NRXN3: variants seen among roughly 807,000 people sequenced by gnomAD.
NRXN3 encodes the protein neurexin III.
NRXN3 carries 32 observed loss-of-function variants against 137.6 expected under a neutral mutation model. The ratio of observed to expected loss-of-function variants is 0.23; its 90% CI spans 0.18 to 0.31. NRXN3 has a LOEUF of 0.31. NRXN3 is among the 10% of genes least tolerant of loss of function. The pLI is 1.00. For missense variants in NRXN3, 1,574 were observed against 2,062.5 expected (o/e 0.76, Z 4.59); for synonymous variants, 798 against 784.5 (o/e 1.02, Z -0.29).
At chr14:78,608,379 C>T (rs2097270222) in intron 4 of NRXN3, among the ~76,000 whole-genome samples, 1 of 152,234 alleles carries the variant, frequency 6.6e-6, no homozygotes, top group Non-Finnish European at 1.5e-5. Context: ...TCCAAAGCCA[C>T]TCTGTAGAAT....
chr14:79,462,099 T>C (rs775232331), intron 15 of NRXN3, among the ~76,000 whole-genome samples: 18 of 152,044 alleles, frequency 1.2e-4, no homozygotes, highest in Middle Eastern at 3.2e-3. Context: ...AGAGGCCGGG[T>C]GTGGTGGCTC....
At chr14:78,342,217 C>T (rs1310586866) in intron 4 of NRXN3, among the ~76,000 whole-genome samples, 2 of 152,174 alleles carry the variant, frequency 1.3e-5, no homozygotes, top group Non-Finnish European at 2.9e-5. Flanking sequence ...GGTGACAACA[C>T]AGCGTATTTC....
chr14:78,743,803 T>C (rs146367292), intron 8 of NRXN3, among the ~76,000 whole-genome samples: 33 of 152,294 alleles, frequency 2.2e-4, no homozygotes, highest in African/African-American at 7.7e-4. Flanking sequence ...GGATCCTTCA[T>C]TGAAAGCCTT....
chr14:78,418,029 T>G (rs1164037528), intron 4 of NRXN3, among the ~76,000 whole-genome samples: 6 of 152,180 alleles, frequency 3.9e-5, no homozygotes, highest in African/African-American at 1.4e-4. Context: ...AGTGCTGGGA[T>G]TACAGGCATG....
intron 2 of NRXN3, among the ~76,000 whole-genome samples, chr14:78,254,293 A>G (rs116010687): frequency 0.01 from 1,583 of 152,122 alleles, 31 homozygotes; most frequent in African/African-American, 0.036. Flanking sequence ...CATTTTATCA[A>G]CCTGTGATGT....
At chr14:78,256,095 G>A (rs1301800983) in intron 2 of NRXN3, among the ~76,000 whole-genome samples, 1 of 150,984 alleles carries the variant, frequency 6.6e-6, no homozygotes, top group Non-Finnish European at 1.5e-5. Flanking sequence ...TTTTTGGTTT[G>A]TTTACAAACC....
chr14:78,687,291 C>T (rs1053891428), intron 6 of NRXN3, among the ~76,000 whole-genome samples: 1 of 152,146 alleles, frequency 6.6e-6, no homozygotes, highest in Non-Finnish European at 1.5e-5. Flanking sequence ...AGGAAAACCC[C>T]CCTGGCTGTT....
At chr14:78,838,588 T>C (rs2099003399) in intron 10 of NRXN3, among the ~76,000 whole-genome samples, 1 of 152,146 alleles carries the variant, frequency 6.6e-6, no homozygotes, top group Admixed American at 6.6e-5. Flanking sequence ...TTGAGGCACA[T>C]GAAGAGAATT....
At chr14:79,504,915 A>G (rs1170302884) in intron 16 of NRXN3, among the ~76,000 whole-genome samples, 1 of 152,028 alleles carries the variant, frequency 6.6e-6, no homozygotes, top group East Asian at 1.9e-4. Context: ...AATAACATTA[A>G]AAGAAAGGTG....
At chr14:79,255,373 G>T (rs2076442527) in intron 15 of NRXN3, among the ~76,000 whole-genome samples, 1 of 152,196 alleles carries the variant, frequency 6.6e-6, no homozygotes, top group Non-Finnish European at 1.5e-5. Context: ...TGCTTACCCT[G>T]CCTGGTGTTT....
intron 15 of NRXN3, among the ~76,000 whole-genome samples, chr14:79,270,157 C>T (rs1283352069): frequency 2.0e-5 from 3 of 152,186 alleles, no homozygotes; most frequent in Non-Finnish European, 4.4e-5. Flanking sequence ...CCTCTTGCTT[C>T]AGGGTCCCTA....
chr14:79,434,221 G>C (rs538825189), intron 15 of NRXN3, among the ~76,000 whole-genome samples: 3 of 152,052 alleles, frequency 2.0e-5, no homozygotes, highest in Non-Finnish European at 4.4e-5. Flanking sequence ...CTCTGGCACT[G>C]GTTACCCAAT....
intron 15 of NRXN3, among the ~76,000 whole-genome samples, chr14:79,314,908 C>T (rs2088172096): frequency 6.6e-6 from 1 of 151,988 alleles, no homozygotes; most frequent in African/African-American, 2.4e-5. Context: ...ACTGAAAACC[C>T]ATCTGTACAT....
chr14:78,846,908 T>G (rs987296245), intron 10 of NRXN3, among the ~76,000 whole-genome samples: 1 of 152,100 alleles, frequency 6.6e-6, no homozygotes, highest in African/African-American at 2.4e-5. Flanking sequence ...CTTCTCACCA[T>G]TTTGGTCTCC....
At chr14:79,435,625 C>CACACAT (rs1166229753) in intron 15 of NRXN3, among the ~76,000 whole-genome samples, 2 of 150,788 alleles carry the variant, frequency 1.3e-5, no homozygotes, top group South Asian at 4.2e-4. Flanking sequence ...CACACACACA[C>CACACAT]ACACATACAT....
At chr14:79,129,427 C>T (rs1337213457) in intron 15 of NRXN3, among the ~76,000 whole-genome samples, 1 of 150,938 alleles carries the variant, frequency 6.6e-6, no homozygotes, top group African/African-American at 2.5e-5. Flanking sequence ...GCCTTCATTT[C>T]GTTATGTACC....
At chr14:79,062,993 G>C (rs1211225484) in intron 15 of NRXN3, among the ~76,000 whole-genome samples, 1 of 152,118 alleles carries the variant, frequency 6.6e-6, no homozygotes, top group African/African-American at 2.4e-5. Context: ...AGAAAGGGGG[G>C]GAGGAGTAGG....
At chr14:78,942,114 G>A (rs1158391601) in intron 10 of NRXN3, among the ~76,000 whole-genome samples, 1 of 152,174 alleles carries the variant, frequency 6.6e-6, no homozygotes, top group Non-Finnish European at 1.5e-5. Context: ...CTCAGAGTGT[G>A]GGCTCTGGAG....
intron 2 of NRXN3, among the ~76,000 whole-genome samples, chr14:78,247,021 G>T (rs1253140260): frequency 2.0e-5 from 3 of 152,238 alleles, no homozygotes; most frequent in African/African-American, 7.2e-5. Flanking sequence ...GGTCCGTTTT[G>T]TACTTCTTGC....
Sources: allele counts gnomAD v4.1 joint callset (sites outside exome capture counted in the v4.1 genomes callset), GRCh38; gene constraint gnomAD v4.1.1; transcripts MANE v1.5; gene names NCBI Gene and HGNC (gene_info 2026-07-23, HGNC 2026-07-21).